The following CCDC60 variants were observed in gnomAD, a reference collection of about 807,000 sequenced individuals.
CCDC60 encodes the protein coiled-coil domain containing 60.
CCDC60 carries 54 observed loss-of-function variants against 63.5 expected under a neutral mutation model. That is an observed-to-expected ratio of 0.85 (90% confidence interval 0.68 to 1.07). The LOEUF is 1.07. Among genes scored for constraint, CCDC60 ranks in the 50% least tolerant of loss-of-function variants. CCDC60 has a pLI of 0.00. For missense variants in CCDC60, 651 were observed against 684.3 expected (o/e 0.95, Z 0.54); for synonymous variants, 206 against 238.8 (o/e 0.86, Z 1.27).
rs1955468714 is a variant in CCDC60 at position 119,336,146 on chromosome 12, A to C, written c.90+880A>C. 2.6e-5 allele frequency among the ~76,000 whole-genome samples: 4 copies of C among 151,030 alleles called. No homozygotes were observed. The East Asian group carries it at 8.0e-4, about 30-fold the overall frequency. ...CTTTGGGAGATATACCTGATGCTAG[A>C]TGACGAGTTAGTGGGTGCAGCACAC... On this transcript the variant is annotated intron_variant, in intron 1 of 13. Transcript: ENST00000327554.
chr12:119,456,194 A>AG lies in CCDC60; in HGVS notation c.171-15799dup, dbSNP rs1250574058. ...AGGAAGGACTCAGGACTTCACCCTG[A>AG]GAACAGTAGGAAGCCATTAGAGGAT... On this transcript the variant is annotated intron_variant, in intron 2 of 13. Transcript: ENST00000327554. This position sits in a 1 kb window ranked among gnomAD's most constrained non-coding sequence, Gnocchi z 4.6. Among the ~76,000 whole-genome samples the AG allele has an allele frequency of 6.6e-6, 1 of 152,170 alleles. No individual in the cohort carries two copies. Among genetic ancestry groups the AG allele is most frequent in the Non-Finnish European group, 1.5e-5 (1 of 68,028 alleles).
At chr12:119,511,667 G>T (rs1045912205) in intron 7 of CCDC60, among the ~76,000 whole-genome samples, 3 of 152,362 alleles carry the variant, frequency 2.0e-5, no homozygotes, top group South Asian at 2.1e-4. Context: ...GAGAAAGGAA[G>T]TCAGGATTTT....
chr12:119,444,290 GTTC>G (rs1566012894), intron 2 of CCDC60, among the ~76,000 whole-genome samples: 1 of 152,212 alleles, frequency 6.6e-6, no homozygotes, highest in East Asian at 1.9e-4. Flanking sequence ...CATCATCAGA[GTTC>G]TTCTTATTAC....
At position 119,440,589 on chromosome 12, in the gene CCDC60, A is replaced by T. The variant is rs575848754; in HGVS notation, c.170+11827A>T. Among the ~76,000 whole-genome samples, 217 of 152,250 alleles carry T rather than the reference A, an allele frequency of 1.4e-3. 3 individuals are homozygous for T. In the South Asian group the frequency reaches 0.017, roughly 12 times the overall value. On this transcript the variant is annotated intron_variant, in intron 2 of 13. Coordinates refer to ENST00000327554, the MANE Select transcript of CCDC60 (RefSeq NM_178499.5). ...AAATCTGAATATAAAATCCATTGAC[A>T]TTTAGTATGTGTTGTAGGATGGGTT...
chr12:119,427,172 A>G (rs1322991532), intron 1 of CCDC60, among the ~76,000 whole-genome samples: 1 of 152,230 alleles, frequency 6.6e-6, no homozygotes, highest in Non-Finnish European at 1.5e-5. Flanking sequence ...TAGGAAATGC[A>G]CATCAGCTAA....
At chr12:119,369,034 A>C (rs537803534) in intron 1 of CCDC60, among the ~76,000 whole-genome samples, 50 of 152,342 alleles carry the variant, frequency 3.3e-4, no homozygotes, top group African/African-American at 1.2e-3. Flanking sequence ...TGGAAAGATA[A>C]GAGTCTCAAT....
intron 1 of CCDC60, among the ~76,000 whole-genome samples, chr12:119,347,809 C>T (rs1046037177): frequency 2.0e-5 from 3 of 152,196 alleles, no homozygotes; most frequent in Admixed American, 2.0e-4. Flanking sequence ...GTTCCTGCCT[C>T]ATCGGGTTGT....
chr12:119,435,963 C>A (rs1280345841), intron 2 of CCDC60, among the ~76,000 whole-genome samples: 1 of 152,200 alleles, frequency 6.6e-6, no homozygotes, highest in African/African-American at 2.4e-5. Flanking sequence ...GGCAGAACAA[C>A]ATGGTCTCTT....
chr12:119,454,607 C>A (rs1446217277), intron 2 of CCDC60, among the ~76,000 whole-genome samples: 1 of 152,174 alleles, frequency 6.6e-6, no homozygotes, highest in Non-Finnish European at 1.5e-5. Context: ...CTTTTCTGGT[C>A]CATGGCCATT....
intron 6 of CCDC60, among the ~76,000 whole-genome samples, chr12:119,504,353 T>G (rs1295980138): frequency 6.6e-6 from 1 of 152,164 alleles, no homozygotes; most frequent in African/African-American, 2.4e-5. Flanking sequence ...AGACAGTCTG[T>G]GTGTACTCTT....
At chr12:119,403,358 T>C (rs1354270180) in intron 1 of CCDC60, among the ~76,000 whole-genome samples, 2 of 151,762 alleles carry the variant, frequency 1.3e-5, no homozygotes, top group African/African-American at 2.4e-5. Flanking sequence ...CCATGGGGAG[T>C]TGACTGGAGC....
At chr12:119,428,783 A>C (rs750346553) in intron 2 of CCDC60, 21 bp downstream of exon 2, 1 of 1,526,336 alleles carries the variant, frequency 6.6e-7, no homozygotes, top group Non-Finnish European at 9.0e-7. Flanking sequence ...CCAGCAGGGA[A>C]TGATCCATAG....
chr12:119,478,806 C>T (rs145926974), intron 3 of CCDC60, among the ~76,000 whole-genome samples: 2,811 of 152,014 alleles, frequency 0.018, 94 homozygotes, highest in African/African-American at 0.064. Context: ...AGGGTTTCAC[C>T]GTGTTAGCCA....
chr12:119,390,198 C>T (rs1215788235), intron 1 of CCDC60, among the ~76,000 whole-genome samples: 1 of 152,156 alleles, frequency 6.6e-6, no homozygotes, highest in Non-Finnish European at 1.5e-5. Context: ...CAAGCCATTC[C>T]TGCCGCCCAG....
At chr12:119,404,271 CAGAGTG>C (rs1274689306) in intron 1 of CCDC60, among the ~76,000 whole-genome samples, 1 of 152,206 alleles carries the variant, frequency 6.6e-6, no homozygotes, top group Non-Finnish European at 1.5e-5. Context: ...GCCTGGTTGA[CAGAGTG>C]AGATTCTGTC....
At chr12:119,369,897 C>G (rs532938525) in intron 1 of CCDC60, among the ~76,000 whole-genome samples, 1 of 152,128 alleles carries the variant, frequency 6.6e-6, no homozygotes, top group South Asian at 2.1e-4. Context: ...TCAGTAAGTG[C>G]CTCAATTATT....
At chr12:119,360,959 C>T (rs999220058) in intron 1 of CCDC60, among the ~76,000 whole-genome samples, 4 of 152,260 alleles carry the variant, frequency 2.6e-5, no homozygotes, top group South Asian at 2.1e-4. Context: ...CACAACGAAA[C>T]CCCGTCTCCA....
chr12:119,378,280 G>A (rs1304614978), intron 1 of CCDC60, among the ~76,000 whole-genome samples: 1 of 152,200 alleles, frequency 6.6e-6, no homozygotes, highest in Admixed American at 6.5e-5. Flanking sequence ...CCCTCAGGTA[G>A]CCTTTTCCTA....
At chr12:119,486,503 G>A (rs555197703) in intron 4 of CCDC60, among the ~76,000 whole-genome samples, 22 of 152,312 alleles carry the variant, frequency 1.4e-4, no homozygotes, top group African/African-American at 4.8e-4. Context: ...ATGAGAGCCT[G>A]TCTCTTAAAC....
Sources: gnomAD v4.1 joint callset for allele counts (sites outside exome capture counted in the v4.1 genomes callset) on GRCh38, gnomAD v4.1.1 for gene constraint, Gnocchi (gnomAD v3.1) non-coding constraint, MANE v1.5 for transcripts, NCBI Gene and HGNC (gene_info 2026-07-23, HGNC 2026-07-21) for gene names.